SGCZ: variants seen among roughly 807,000 people sequenced by gnomAD.
SGCZ encodes the protein sarcoglycan zeta.
In SGCZ, 40 loss-of-function variants were observed where a neutral mutation model predicts 41.3. The observed-to-expected ratio is 0.97, with a 90% CI of 0.75 to 1.26. The LOEUF (loss-of-function observed/expected upper bound fraction) is 1.26, where lower values mean the gene tolerates loss of function less well. Among genes scored for constraint, SGCZ ranks in the 50% most tolerant of loss-of-function variants. SGCZ has a pLI of 0.00. For synonymous variants in SGCZ, 206 were observed against 137.5 expected, an observed-to-expected ratio of 1.50 and a Z score of -3.49; for missense variants, 552 against 369.8, an observed-to-expected ratio of 1.49 and a Z score of -4.04.
At chr8:15,041,273 G>C (rs1054289704) in intron 1 of SGCZ, among the ~76,000 whole-genome samples, 1 of 151,710 alleles carries the variant, frequency 6.6e-6, no homozygotes, top group Non-Finnish European at 1.5e-5. Context: ...AAATCAGTAT[G>C]TTTATGAATA....
In SGCZ at chr8:15,065,408, GTATTGTAATTAT is replaced by G. The variant is rs537191327; in HGVS notation, c.39+172165_39+172176del. Among the ~76,000 whole-genome samples the G allele has an allele frequency of 4.8e-3, 683 of 140,966 alleles. 3 individuals carry two copies. Among genetic ancestry groups the G allele is most frequent in the African/African-American group, 0.017 (651 of 38,124 alleles). 92.5% of individuals were successfully genotyped at this position (140,966 alleles called of 152,430 possible). On this transcript the variant is annotated intron_variant, in intron 1 of 7. Coordinates refer to ENST00000382080, the MANE Select transcript of SGCZ (RefSeq NM_139167.4). ...TATCTATGGCATCACTTATCACATG[GTATTGTAATTAT>G]TATTATTATTATTATTATTATTATT...
intron 5 of SGCZ, among the ~76,000 whole-genome samples, chr8:14,138,856 A>G (rs559398471): frequency 6.6e-6 from 1 of 152,330 alleles, no homozygotes; most frequent in Non-Finnish European, 1.5e-5. Flanking sequence ...AGACATCTAC[A>G]GAACTCTCCA....
intron 1 of SGCZ, among the ~76,000 whole-genome samples, chr8:14,769,874 A>G (rs749333314): frequency 2.4e-4 from 36 of 147,784 alleles, no homozygotes; most frequent in Non-Finnish European, 5.1e-4. Flanking sequence ...AATAGAATTT[A>G]TTTCTACAAG....
intron 1 of SGCZ, among the ~76,000 whole-genome samples, chr8:14,837,430 T>C (rs1028070246): frequency 1.3e-5 from 2 of 152,220 alleles, no homozygotes; most frequent in Non-Finnish European, 2.9e-5. Flanking sequence ...ACTTAAGATC[T>C]GTACTCCTCC....
chr8:14,128,427 A>C (rs557974128), intron 5 of SGCZ, among the ~76,000 whole-genome samples: 2 of 152,340 alleles, frequency 1.3e-5, no homozygotes, highest in African/African-American at 4.8e-5. Flanking sequence ...TGCAGATAAA[A>C]GGGAACGCTT....
chr8:15,178,961 A>G (rs1364735023), intron 1 of SGCZ, among the ~76,000 whole-genome samples: 1 of 152,160 alleles, frequency 6.6e-6, no homozygotes, highest in Non-Finnish European at 1.5e-5. Context: ...ATGATAAACA[A>G]TTTTAGATAT....
chr8:14,179,025 T>A (rs1404370081), intron 4 of SGCZ, among the ~76,000 whole-genome samples: 1 of 152,060 alleles, frequency 6.6e-6, no homozygotes, highest in African/African-American at 2.4e-5. Flanking sequence ...CATAAGGTAA[T>A]CAGGAAACAA....
intron 1 of SGCZ, among the ~76,000 whole-genome samples, chr8:14,800,670 G>A (rs1324664120): frequency 3.3e-5 from 5 of 152,050 alleles, no homozygotes; most frequent in Non-Finnish European, 7.4e-5. Context: ...CATGTAAGAC[G>A]TGCTTTGCTT....
chr8:15,010,611 T>C (rs566187220), intron 1 of SGCZ, among the ~76,000 whole-genome samples: 1 of 152,120 alleles, frequency 6.6e-6, no homozygotes, highest in African/African-American at 2.4e-5. Flanking sequence ...CACATGAGGG[T>C]TGACTGGAAT....
intron 3 of SGCZ, among the ~76,000 whole-genome samples, chr8:14,321,802 T>C (rs1174411351): frequency 6.6e-6 from 1 of 152,136 alleles, no homozygotes. Context: ...TGAAAATCCG[T>C]GAAAAGATTG....
intron 1 of SGCZ, among the ~76,000 whole-genome samples, chr8:15,065,443 A>ATTATTATTATTG (rs1554549714): frequency 1.0e-4 from 15 of 147,300 alleles, no homozygotes; most frequent in African/African-American, 3.7e-4. Context: ...TATTATTATT[A>ATTATTATTATTG]TTATTATTAT....
At chr8:14,652,007 T>G (rs980456946) in intron 1 of SGCZ, among the ~76,000 whole-genome samples, 1 of 151,934 alleles carries the variant, frequency 6.6e-6, no homozygotes, top group African/African-American at 2.4e-5. Flanking sequence ...TCCTGTGACT[T>G]TGGGGAAGTC....
In SGCZ at chr8:14,811,647, C is replaced by G. The variant is rs576963960; in HGVS notation, c.40-256721G>C. Among the ~76,000 whole-genome samples the G allele has an allele frequency of 1.1e-4, 16 of 139,980 alleles. 1 individual carries two copies. In the South Asian group the frequency reaches 3.7e-3, roughly 32 times the overall value. The allele number at this position is 139,980 out of a possible 152,430, so 91.8% of individuals were successfully genotyped here. A position where few individuals can be genotyped will look rare whatever the true frequency, so the allele number is the denominator to read the frequency against. On this transcript the variant is annotated intron_variant, in intron 1 of 7. Transcript: ENST00000382080. ...AATTTTCACATAAATTTCATAGAAT[C>G]TGGAGAACAGCCATTAAAAGAGTAC...
intron 1 of SGCZ, among the ~76,000 whole-genome samples, chr8:15,147,188 G>C (rs1037293249): frequency 6.6e-6 from 1 of 152,138 alleles, no homozygotes; most frequent in Non-Finnish European, 1.5e-5. Flanking sequence ...TAAAGCTCTT[G>C]AGAACCATAA....
chr8:14,151,090 A>T (rs1312542882), intron 5 of SGCZ, among the ~76,000 whole-genome samples: 1 of 152,168 alleles, frequency 6.6e-6, no homozygotes, highest in Non-Finnish European at 1.5e-5. Flanking sequence ...GTAAGAAAAA[A>T]TGAATAAGAC....
At chr8:14,682,532 T>C (rs1442913040) in intron 1 of SGCZ, among the ~76,000 whole-genome samples, 1 of 151,784 alleles carries the variant, frequency 6.6e-6, no homozygotes, top group Non-Finnish European at 1.5e-5. Flanking sequence ...CCTCCCGGGT[T>C]CACGCCATCC....
chr8:15,228,558 T>G (rs1295396047), intron 1 of SGCZ, among the ~76,000 whole-genome samples: 1 of 152,316 alleles, frequency 6.6e-6, no homozygotes, highest in Non-Finnish European at 1.5e-5. Flanking sequence ...AAATAGCTCA[T>G]TTATTTTTAA....
chr8:15,009,099 C>T (rs1802727238), intron 1 of SGCZ, among the ~76,000 whole-genome samples: 1 of 152,128 alleles, frequency 6.6e-6, no homozygotes, highest in Non-Finnish European at 1.5e-5. Flanking sequence ...AATTTGTTCT[C>T]ACACTGCCAT....
intron 1 of SGCZ, among the ~76,000 whole-genome samples, chr8:14,816,391 C>T (rs78566306): frequency 0.034 from 5,214 of 152,220 alleles, 317 homozygotes; most frequent in African/African-American, 0.12. Context: ...GTGTGTAATA[C>T]AGGATACCTC....
Sources: allele counts gnomAD v4.1 joint callset (sites outside exome capture counted in the v4.1 genomes callset), GRCh38; gene constraint gnomAD v4.1.1; transcripts MANE v1.5; gene names NCBI Gene and HGNC (gene_info 2026-07-23, HGNC 2026-07-21).